The following MAN1A1 variants were observed in gnomAD, a reference collection of about 807,000 sequenced individuals.
MAN1A1 encodes mannosyl-oligosaccharide 1,2-alpha-mannosidase IA.
MAN1A1 carries 29 observed loss-of-function variants against 70.8 expected under a neutral mutation model. The ratio of observed to expected loss-of-function variants is 0.41; its 90% CI spans 0.31 to 0.56. MAN1A1 has a LOEUF of 0.56. MAN1A1 is among the 20% of genes least tolerant of loss of function. The pLI, the probability that MAN1A1 is intolerant of heterozygous loss-of-function variation, is 0.29. For missense variants in MAN1A1, 747 were observed against 841.3 expected, an observed-to-expected ratio of 0.89 and a Z score of 1.39; for synonymous variants, 349 against 330.1, an observed-to-expected ratio of 1.06 and a Z score of -0.62.
At chr6:119,245,290 G>T (rs1165759856) in intron 6 of MAN1A1, among the ~76,000 whole-genome samples, 1 of 152,084 alleles carries the variant, frequency 6.6e-6, no homozygotes, top group Non-Finnish European at 1.5e-5. Flanking sequence ...ATATGATTTT[G>T]CCAGATATAT....
At chr6:119,338,847 A>T (rs1422354282) in intron 2 of MAN1A1, among the ~76,000 whole-genome samples, 2 of 152,134 alleles carry the variant, frequency 1.3e-5, no homozygotes, top group East Asian at 3.9e-4. Flanking sequence ...TGTGCAATCT[A>T]GGGGAAAAAT....
At chr6:119,299,917 C>G (rs1389279031) in intron 4 of MAN1A1, among the ~76,000 whole-genome samples, 2 of 152,180 alleles carry the variant, frequency 1.3e-5, no homozygotes, top group Non-Finnish European at 2.9e-5. Context: ...AAGTCCAGAG[C>G]TCCTCAGACT....
intron 1 of MAN1A1, 66 bp downstream of exon 1, chr6:119,349,476 G>T: frequency 1.0e-6 from 1 of 955,742 alleles, no homozygotes; most frequent in Non-Finnish European, 1.2e-6. Context: ...CGTGGGTAGG[G>T]GAGGGGTGTC....
chr6:119,179,831 G>T lies in MAN1A1; in HGVS notation c.1950C>A (p.Ile650=), dbSNP rs748172573. The change falls in exon 13 of 13, where the codon ATC becomes ATA. Residue 650 remains isoleucine (I), a synonymous_variant. Transcript: ENST00000368468. The part of the protein sequence containing the change: ...ILPKDKKEVE[I]REE Reference sequence around the variant, plus strand: ...ATAAAATGTCTTTTTATTCCTCTCTGATTTCAACTTCCTTTTTATCTTTAG... The same window carrying T: ...ATAAAATGTCTTTTTATTCCTCTCTTATTTCAACTTCCTTTTTATCTTTAG... 6.2e-7 allele frequency: 1 copy of T among 1,612,146 alleles called. No individual in the cohort carries two copies. The highest frequency in any genetic ancestry group is 2.2e-5 in the East Asian group (1 of 44,848).
chr6:119,344,112 T>C (rs1340357352), intron 2 of MAN1A1, among the ~76,000 whole-genome samples: 1 of 152,252 alleles, frequency 6.6e-6, no homozygotes, highest in Non-Finnish European at 1.5e-5. Flanking sequence ...TTTTTCAAGA[T>C]GGTTTAGTTC....
chr6:119,211,659 G>C (rs1323308707), intron 6 of MAN1A1, among the ~76,000 whole-genome samples: 1 of 152,042 alleles, frequency 6.6e-6, no homozygotes, highest in Non-Finnish European at 1.5e-5. Flanking sequence ...AATTTGCAAT[G>C]GTCTGAAGTG....
At chr6:119,232,595 A>T (rs1774715001) in intron 6 of MAN1A1, among the ~76,000 whole-genome samples, 1 of 152,062 alleles carries the variant, frequency 6.6e-6, no homozygotes, top group Admixed American at 6.6e-5. Context: ...TTCAAAAGGA[A>T]ATTCAAATTA....
chr6:119,264,205 G>A (rs900963961), intron 5 of MAN1A1, among the ~76,000 whole-genome samples: 2 of 152,224 alleles, frequency 1.3e-5, no homozygotes, highest in Non-Finnish European at 2.9e-5. Flanking sequence ...TACTGAATCA[G>A]AAGCTCTGAG....
At chr6:119,344,661 T>G (rs1460230746) in intron 2 of MAN1A1, among the ~76,000 whole-genome samples, 1 of 152,230 alleles carries the variant, frequency 6.6e-6, no homozygotes, top group Admixed American at 6.5e-5. Context: ...ACTGGAAAGT[T>G]AAGTGTCAAA....
At chr6:119,227,933 A>G (rs12207164) in intron 6 of MAN1A1, among the ~76,000 whole-genome samples, 63,729 of 152,124 alleles carry the variant, frequency 0.42, 13,837 homozygotes, top group East Asian at 0.67. Context: ...AAGAGAATGC[A>G]CTATATATAG....
chr6:119,260,644 C>G (rs989362336), intron 5 of MAN1A1, among the ~76,000 whole-genome samples: 1 of 152,116 alleles, frequency 6.6e-6, no homozygotes, highest in Non-Finnish European at 1.5e-5. Flanking sequence ...GCATCTTTAT[C>G]TTTTTTTCAT....
rs77249549 is a variant in MAN1A1 at position 119,241,041 on chromosome 6, T to C, written c.992+7219A>G. Among the ~76,000 whole-genome samples the C allele has an allele frequency of 7.3e-4, 111 of 152,266 alleles. No homozygotes were observed. In the East Asian group the frequency reaches 0.02, roughly 27 times the overall value. On this transcript the variant is annotated intron_variant, in intron 6 of 12. Transcript: ENST00000368468. ...CCTGAAGCTACAAAGTGTGACTTTATGGAAATAGCTTTACTTTTAAACAGT... is the reference window on the plus strand; with the variant it reads ...CCTGAAGCTACAAAGTGTGACTTTACGGAAATAGCTTTACTTTTAAACAGT...
At chr6:119,349,844 C>A, upstream of MAN1A1, 2 of 777,328 alleles carry the variant, frequency 2.6e-6, no homozygotes, top group Non-Finnish European at 3.1e-6. Context: ...GCCAATCACG[C>A]GCCGCCCAGG....
chr6:119,275,277 ATTTTTTTTTTTTTTTTTTTTTTTTTTTTT>A (rs869090504), intron 5 of MAN1A1, among the ~76,000 whole-genome samples: 17 of 52,890 alleles, frequency 3.2e-4, no homozygotes, highest in East Asian at 2.1e-3. Context: ...TACCCAGCTA[ATTTTTTTTTTTTTTTTTTTTTTTTTTTTT>A]TTTTTTTTTT....
At chr6:119,246,065 A>G (rs903249450) in intron 6 of MAN1A1, among the ~76,000 whole-genome samples, 8 of 152,214 alleles carry the variant, frequency 5.3e-5, no homozygotes, top group Non-Finnish European at 8.8e-5. Context: ...GTTGGAAATA[A>G]ACAGTAAAGT....
At chr6:119,242,641 T>C (rs1206250070) in intron 6 of MAN1A1, among the ~76,000 whole-genome samples, 2 of 152,132 alleles carry the variant, frequency 1.3e-5, no homozygotes, top group Non-Finnish European at 2.9e-5. Context: ...TTAAGAAAAA[T>C]TCCAATGTCC....
At chr6:119,249,134 G>A (rs951130890) in intron 5 of MAN1A1, among the ~76,000 whole-genome samples, 1 of 152,048 alleles carries the variant, frequency 6.6e-6, no homozygotes, top group Non-Finnish European at 1.5e-5. Context: ...AAGTAAAGAG[G>A]GAATCCCTGA....
chr6:119,248,213 T>G, intron 6 of MAN1A1, 47 bp downstream of exon 6: 1 of 1,278,958 alleles, frequency 7.8e-7, no homozygotes, highest in South Asian at 1.2e-5. Context: ...GGCAACAATC[T>G]GGAATATTTC....
intron 5 of MAN1A1, among the ~76,000 whole-genome samples, chr6:119,261,789 T>C (rs951319277): frequency 2.0e-5 from 3 of 152,238 alleles, no homozygotes; most frequent in Non-Finnish European, 4.4e-5. Context: ...ACATTACATG[T>C]ATATGTTTTC....
Sources: allele counts gnomAD v4.1 joint callset (sites outside exome capture counted in the v4.1 genomes callset), GRCh38; gene constraint gnomAD v4.1.1; transcripts MANE v1.5; gene names NCBI Gene and HGNC (gene_info 2026-07-23, HGNC 2026-07-21).